Variants in GPC5 observed in about 807,000 individuals in gnomAD.
GPC5 encodes the protein glypican-5.
GPC5 carries 47 observed loss-of-function variants against 53.9 expected under a neutral mutation model. The observed-to-expected ratio is 0.87, with a 90% CI of 0.69 to 1.11. GPC5 has a LOEUF of 1.11. GPC5 is among the 50% of genes most tolerant of loss of function. The pLI is 0.00. For synonymous variants in GPC5, 286 were observed against 263.3 expected (o/e 1.09, Z -0.84); for missense variants, 748 against 713.1 (o/e 1.05, Z -0.56).
intron 5 of GPC5, among the ~76,000 whole-genome samples, chr13:91,877,597 C>G (rs2039218160): frequency 1.3e-5 from 2 of 152,154 alleles, no homozygotes; most frequent in South Asian, 4.1e-4. Flanking sequence ...TCCACTGTAT[C>G]TAGGAAGTAA....
At chr13:92,598,987 G>A (rs1258381648) in intron 7 of GPC5, among the ~76,000 whole-genome samples, 1 of 152,138 alleles carries the variant, frequency 6.6e-6, no homozygotes, top group African/African-American at 2.4e-5. Context: ...GTATTCCAAA[G>A]TTGTGACACT....
intron 6 of GPC5, among the ~76,000 whole-genome samples, chr13:91,954,607 A>T (rs1262000126): frequency 6.6e-6 from 1 of 152,152 alleles, no homozygotes; most frequent in East Asian, 1.9e-4. Context: ...ATAAGTTTCT[A>T]AAAAGAAAAT....
At chr13:91,636,206 C>A (rs1325280665) in intron 2 of GPC5, among the ~76,000 whole-genome samples, 1 of 152,050 alleles carries the variant, frequency 6.6e-6, no homozygotes, top group African/African-American at 2.4e-5. Context: ...GCACCATTTA[C>A]ATATATCTTT....
At chr13:92,004,324 A>AG (rs1394450553) in intron 6 of GPC5, among the ~76,000 whole-genome samples, 5 of 150,708 alleles carry the variant, frequency 3.3e-5, no homozygotes, top group Non-Finnish European at 7.4e-5. Context: ...GTGCGCCTGT[A>AG]GTCCCAGCTA....
intron 7 of GPC5, among the ~76,000 whole-genome samples, chr13:92,299,933 A>G (rs2043063909): frequency 6.6e-6 from 1 of 152,172 alleles, no homozygotes; most frequent in Non-Finnish European, 1.5e-5. Context: ...GTGAAAAAGG[A>G]GGTTTGTGAG....
chr13:92,655,103 T>C (rs1396329118), intron 7 of GPC5, among the ~76,000 whole-genome samples: 37 of 152,078 alleles, frequency 2.4e-4, no homozygotes, highest in Admixed American at 2.4e-3. Context: ...GCCAATCCTA[T>C]CCACACCTTC....
At chr13:92,273,950 C>A (rs1311964927) in intron 7 of GPC5, among the ~76,000 whole-genome samples, 1 of 152,100 alleles carries the variant, frequency 6.6e-6, no homozygotes. Context: ...TCTAGAGGGC[C>A]CTCCTGGAAT....
intron 2 of GPC5, among the ~76,000 whole-genome samples, chr13:91,666,119 T>C (rs938430451): frequency 1.4e-4 from 22 of 152,224 alleles, no homozygotes; most frequent in Non-Finnish European, 3.2e-4. Flanking sequence ...CCTGAGTCCA[T>C]CTTCTATATA....
chr13:92,070,023 G>A (rs2041198152), intron 6 of GPC5, among the ~76,000 whole-genome samples: 1 of 152,092 alleles, frequency 6.6e-6, no homozygotes, highest in Non-Finnish European at 1.5e-5. Context: ...TAATCACTAT[G>A]AGCCCTTAAA....
intron 6 of GPC5, among the ~76,000 whole-genome samples, chr13:91,926,447 C>A (rs1030496254): frequency 5.9e-5 from 9 of 151,928 alleles, no homozygotes; most frequent in African/African-American, 2.2e-4. Context: ...TGGTCAGACC[C>A]AGTTCAGCTG....
At chr13:92,579,277 CT>C (rs2139051203) in intron 7 of GPC5, among the ~76,000 whole-genome samples, 2 of 36,830 alleles carry the variant, frequency 5.4e-5, no homozygotes, top group African/African-American at 3.6e-4. Flanking sequence ...CTCCCTCCCT[CT>C]CTCTCTCTCT....
At chr13:92,031,752 T>TATATTACATATTATATATAATA (rs1566403212) in intron 6 of GPC5, among the ~76,000 whole-genome samples, 1 of 43,758 alleles carries the variant, frequency 2.3e-5, no homozygotes, top group Non-Finnish European at 3.8e-5. Flanking sequence ...ATAATATATA[T>TATATTACATATTATATATAATA]TATATTACAT....
chr13:91,541,834 A>C (rs548178947), intron 2 of GPC5, among the ~76,000 whole-genome samples: 1 of 53,210 alleles, frequency 1.9e-5, no homozygotes, highest in Admixed American at 3.0e-4. Context: ...AATAATAAAA[A>C]AGCAGTGATC....
At chr13:92,097,817 A>G (rs1419314305) in intron 6 of GPC5, among the ~76,000 whole-genome samples, 1 of 152,220 alleles carries the variant, frequency 6.6e-6, no homozygotes, top group East Asian at 1.9e-4. Context: ...ATATTTCATG[A>G]AAAATGAATG....
At chr13:91,647,067 ATGCGTGTGTGTGTGTG>A (rs1251237415) in intron 2 of GPC5, among the ~76,000 whole-genome samples, 310 of 127,760 alleles carry the variant, frequency 2.4e-3, no homozygotes, top group African/African-American at 7.8e-3. Context: ...TAATATATAT[ATGCGTGTGTGTGTGTG>A]TGTGTGTGTG....
At chr13:92,409,474 TA>T (rs1875949324) in intron 7 of GPC5, among the ~76,000 whole-genome samples, 1 of 152,044 alleles carries the variant, frequency 6.6e-6, no homozygotes, top group Admixed American at 6.6e-5. Flanking sequence ...CACTAATATT[TA>T]AATAACTTCA....
intron 5 of GPC5, among the ~76,000 whole-genome samples, chr13:91,902,921 A>G (rs966524238): frequency 2.0e-5 from 3 of 151,962 alleles, no homozygotes; most frequent in Admixed American, 6.6e-5. Flanking sequence ...AAATTTGTCT[A>G]TTGTAAACAT....
intron 6 of GPC5, among the ~76,000 whole-genome samples, chr13:92,099,022 C>T (rs2041444210): frequency 6.6e-6 from 1 of 151,582 alleles, no homozygotes; most frequent in African/African-American, 2.4e-5. Context: ...ACCTACAATC[C>T]TGGAGATCAT....
chr13:91,875,491 T>C (rs2039192291), intron 5 of GPC5, among the ~76,000 whole-genome samples: 2 of 152,318 alleles, frequency 1.3e-5, no homozygotes, highest in South Asian at 4.1e-4. Flanking sequence ...CAAAGAGAGA[T>C]ACTACTTAAT....
Sources: allele counts gnomAD v4.1 joint callset (sites outside exome capture counted in the v4.1 genomes callset), GRCh38; gene constraint gnomAD v4.1.1; transcripts MANE v1.5; gene names NCBI Gene and HGNC (gene_info 2026-07-23, HGNC 2026-07-21).